RTN4: variants seen among roughly 807,000 people sequenced by gnomAD.
RTN4 encodes reticulon-4.
Under a neutral mutation model 90.4 loss-of-function variants are expected in RTN4, and 32 were observed. The observed-to-expected ratio is 0.35, with a 90% CI of 0.27 to 0.48. The LOEUF (loss-of-function observed/expected upper bound fraction) is 0.48. Ranked by LOEUF, RTN4 falls within the 20% of genes least tolerant of loss-of-function variation. The probability of loss-of-function intolerance (pLI) is 0.99; values close to 1 mark genes in which losing one functional copy is unlikely to be tolerated. For synonymous variants in RTN4, 629 were observed against 552.5 expected, an observed-to-expected ratio of 1.14 and a Z score of -1.94; for missense variants, 1,706 against 1,430.2, an observed-to-expected ratio of 1.19 and a Z score of -3.11.
chr2:54,996,667 A>G (rs765181797), intron 3 of RTN4, among the ~76,000 whole-genome samples: 16 of 152,274 alleles, frequency 1.1e-4, no homozygotes, highest in Admixed American at 1.0e-3. Flanking sequence ...CTTCTACTTC[A>G]TATCACACAT....
chr2:54,987,992 G>A (rs1431713859), intron 3 of RTN4, among the ~76,000 whole-genome samples: 1 of 152,182 alleles, frequency 6.6e-6, no homozygotes, highest in Admixed American at 6.5e-5. Context: ...AAGCCTAGAA[G>A]ACTTCTAATC....
At chr2:55,086,496 A>G (rs1668840411) in intron 1 of RTN4, among the ~76,000 whole-genome samples, 1 of 27,072 alleles carries the variant, frequency 3.7e-5, no homozygotes, top group Non-Finnish European at 1.0e-4. Flanking sequence ...TCTAATCTCT[A>G]CAAAAAAAAA....
chr2:55,027,316 A>G lies in RTN4; in HGVS notation c.783T>C (p.Thr261=), dbSNP rs1312024778. The change falls in exon 3 of 9, where the codon ACT becomes ACC. Residue 261 remains threonine (T), a synonymous_variant. Coordinates refer to ENST00000337526, the MANE Select transcript of RTN4 (RefSeq NM_020532.5). ...YLGNLSTVLP[T]EGTLQENVSE... Reference sequence around the variant, plus strand: ...TGACATTTTCTTGAAGTGTTCCTTCAGTGGGTAATACTGTTGACAAATTAC... The same window carrying G: ...TGACATTTTCTTGAAGTGTTCCTTCGGTGGGTAATACTGTTGACAAATTAC... 6.2e-7 allele frequency: 1 copy of G among 1,613,718 alleles called. No individual in the cohort carries two copies. Among genetic ancestry groups the G allele is most frequent in the Admixed American group, 1.7e-5 (1 of 59,948 alleles).
At chr2:55,030,542 T>G (rs565182077) in intron 1 of RTN4, among the ~76,000 whole-genome samples, 12 of 152,242 alleles carry the variant, frequency 7.9e-5, no homozygotes, top group Admixed American at 2.0e-4. Context: ...CAACTGTAAC[T>G]CTTAGCCTTT....
chr2:54,975,207 A>T (rs1677522623), intron 5 of RTN4, among the ~76,000 whole-genome samples: 1 of 152,252 alleles, frequency 6.6e-6, no homozygotes, highest in African/African-American at 2.4e-5. Context: ...ATAATTGGGC[A>T]AAGAGTACTT....
chr2:55,010,432 G>A (rs1573373185), intron 3 of RTN4: 4 of 1,027,460 alleles, frequency 3.9e-6, no homozygotes, highest in East Asian at 4.2e-5. Flanking sequence ...TGCAGGGAGA[G>A]GGCAGGCTAC....
At position 55,049,841 on chromosome 2, in the gene RTN4, G is replaced by C; in HGVS notation, c.460C>G (p.Gln154Glu). Residue 154 changes from glutamine (Q) to glutamate (E), a missense_variant, in exon 1 of 9, where the codon CAG (glutamine) becomes GAG (glutamate). Gln to Glu is a conservative substitution (Grantham distance 29, BLOSUM62 2). Transcript: ENST00000337526. Reference sequence around the variant, plus strand: ...GGCGGGGTCCACACGGGCTCTGCCTGGGGGCTCACGCTGGCCGGGGGAGGA... The same window carrying C: ...GGCGGGGTCCACACGGGCTCTGCCTCGGGGCTCACGCTGGCCGGGGGAGGA... ...PPPPPASVSP[Q>E]AEPVWTPPAP... 3 of 1,315,304 alleles carry C rather than the reference G, an allele frequency of 2.3e-6. No homozygotes were observed. The highest frequency in any genetic ancestry group is 2.9e-6 in the Non-Finnish European group (3 of 1,035,606). 81.5% of individuals were successfully genotyped at this position (1,315,304 alleles called of 1,614,324 possible).
rs780296096 is a variant in RTN4 at position 55,050,201 on chromosome 2, C to A, written c.100G>T (p.Glu34Ter). Reference sequence around the variant, plus strand: ...TCTTCCTCCTCCTCTTCTTCCTCCTCGTCCTCGGGCTCCCTCACGAACTGG... The same window carrying A: ...TCTTCCTCCTCCTCTTCTTCCTCCTAGTCCTCGGGCTCCCTCACGAACTGG... ...KYQFVREPEDEEEEEEEEEED... is the reference protein window; with the variant it reads ...KYQFVREPED The change falls in exon 1 of 9, where the codon GAG (glutamate) becomes TAG (stop). Residue 34 changes from glutamate (E) to a stop codon, truncating the protein, a stop_gained. Transcript: ENST00000337526. LOFTEE classifies it high-confidence loss of function. This position sits in a 1 kb window ranked among gnomAD's most constrained non-coding sequence, Gnocchi z 4.6. The A allele has an allele frequency of 1.9e-6, 3 of 1,570,072 alleles. No homozygotes were observed. Among genetic ancestry groups the A allele is most frequent in the African/African-American group, 2.8e-5 (2 of 71,830 alleles).
At chr2:55,067,543 G>A (rs1668417431) in intron 2 of RTN4, among the ~76,000 whole-genome samples, 1 of 151,934 alleles carries the variant, frequency 6.6e-6, no homozygotes. Context: ...CTCCCAAGTA[G>A]CTGGGATTAC....
At chr2:54,997,919 A>G (rs1419537955) in intron 3 of RTN4, among the ~76,000 whole-genome samples, 1 of 152,204 alleles carries the variant, frequency 6.6e-6, no homozygotes, top group African/African-American at 2.4e-5. Context: ...TATAGATAGG[A>G]ATAAACAGTA....
At chr2:55,041,775 G>C (rs926308605) in intron 1 of RTN4, among the ~76,000 whole-genome samples, 20 of 151,810 alleles carry the variant, frequency 1.3e-4, no homozygotes, top group Admixed American at 4.6e-4. Flanking sequence ...AAACATGGGG[G>C]AAAATTTTTA....
At position 55,050,170 on chromosome 2, in the gene RTN4, T is replaced by A; in HGVS notation, c.131A>T (p.Asp44Val). The A allele has an allele frequency of 6.4e-7, 1 of 1,566,190 alleles. No homozygotes were observed. Among genetic ancestry groups the A allele is most frequent in the Non-Finnish European group, 8.6e-7 (1 of 1,162,666 alleles). The change falls in exon 1 of 9, where the codon GAC becomes GTC. Residue 44 changes from aspartate (D) to valine (V), a missense_variant. Asp to Val is a radical substitution (Grantham distance 152, BLOSUM62 -3). Transcript: ENST00000337526. This position sits in a 1 kb window ranked among gnomAD's most constrained non-coding sequence, Gnocchi z 4.6. ...EEEEEEEEEE[D>V]EDEDLEELEV... ...CAGCTCCTCCAGGTCTTCGTCCTCG[T>A]CCTCCTCTTCCTCCTCCTCTTCTTC...
intron 1 of RTN4, among the ~76,000 whole-genome samples, chr2:55,034,991 G>A (rs1364761996): frequency 2.0e-5 from 3 of 152,050 alleles, no homozygotes; most frequent in Admixed American, 2.0e-4. Flanking sequence ...AAATAAAGAG[G>A]TACAGCTAAA....
rs143959885 is a variant in RTN4, at chr2:55,110,821, G to A, written c.-214+1699C>T. On this transcript the variant is annotated intron_variant, in intron 1 of 3. Transcript: ENST00000427710. ...TTTGGGAGGCCAAGGCAGGCAGGTC[G>A]CCTGAGATCGGGAGTTCAAGACCAG... 7.9e-4 allele frequency among the ~76,000 whole-genome samples: 120 copies of A among 152,254 alleles called. 2 individuals carry two copies. In the East Asian group the frequency reaches 0.014, roughly 17 times the overall value.
At chr2:55,116,573 A>C (rs896102548), upstream of RTN4, among the ~76,000 whole-genome samples, 3 of 152,224 alleles carry the variant, frequency 2.0e-5, no homozygotes, top group African/African-American at 7.2e-5. Context: ...TATTAGGCAG[A>C]TGCTAAGCAC....
chr2:55,076,572 G>A (rs907642870), intron 2 of RTN4, among the ~76,000 whole-genome samples: 2 of 151,764 alleles, frequency 1.3e-5, no homozygotes, highest in Non-Finnish European at 2.9e-5. Context: ...GCTAATTTTT[G>A]TATTTTTAGT....
Position 55,027,017 on chromosome 2 carries a change from G to C in RTN4, c.1082C>G (p.Ser361Cys). Residue 361 changes from serine to cysteine, a missense_variant, in exon 3 of 9, where the codon TCT becomes TGT. Coordinates refer to ENST00000337526, the MANE Select transcript of RTN4 (RefSeq NM_020532.5). ...AAAACTGTCTTTTGCTTTTTCTGAA[G>C]ACACAACTTCATCCTCTTTAACCAA... is the stretch of plus-strand genomic sequence containing the variant. ...TKLVKEDEVV[S>C]SEKAKDSFNE... The C allele has an allele frequency of 1.2e-6, 2 of 1,613,480 alleles. No individual in the cohort carries two copies. Among genetic ancestry groups the C allele is most frequent in the South Asian group, 1.1e-5 (1 of 91,082 alleles).
At chr2:55,137,048 G>T in the RTN4 span, among the ~76,000 whole-genome samples, 1 of 152,222 alleles carries the variant, frequency 6.6e-6, no homozygotes, top group South Asian at 2.1e-4. Flanking sequence ...AGAAGCCAGG[G>T]AGAGATGCAT....
At chr2:55,053,485 G>C (rs574083285), upstream of RTN4, among the ~76,000 whole-genome samples, 92 of 151,724 alleles carry the variant, frequency 6.1e-4, 1 homozygote, top group Middle Eastern at 6.9e-3. Flanking sequence ...TCAGGAGTTT[G>C]AGACCAGCCT....
Sources: allele counts gnomAD v4.1 joint callset (sites outside exome capture counted in the v4.1 genomes callset), GRCh38; gene constraint gnomAD v4.1.1; non-coding constraint Gnocchi (gnomAD v3.1); transcripts MANE v1.5; gene names NCBI Gene and HGNC (gene_info 2026-07-23, HGNC 2026-07-21).